GALNTL5: variants seen among roughly 807,000 people sequenced by gnomAD.
GALNTL5 encodes inactive polypeptide N-acetylgalactosaminyltransferase-like protein 5.
A neutral mutation model predicts 51.0 loss-of-function variants in GALNTL5; 44 were observed. The observed-to-expected ratio is 0.86, with a 90% CI of 0.68 to 1.11. The LOEUF is 1.11. Ranked by LOEUF, GALNTL5 falls within the 50% of genes least tolerant of loss-of-function variation. GALNTL5 has a pLI of 0.00. For missense variants in GALNTL5, 528 were observed against 531.8 expected, an observed-to-expected ratio of 0.99 and a Z score of 0.07; for synonymous variants, 192 against 182.8, an observed-to-expected ratio of 1.05 and a Z score of -0.41.
chr7:152,017,633 GA>G (rs1351797729), intron 8 of GALNTL5, among the ~76,000 whole-genome samples: 2 of 152,130 alleles, frequency 1.3e-5, no homozygotes, highest in African/African-American at 2.4e-5. Context: ...AATGTAAAAC[GA>G]AGGAAAAGGG....
At chr7:151,997,230 G>T (rs1013939683) in intron 5 of GALNTL5, among the ~76,000 whole-genome samples, 1 of 152,170 alleles carries the variant, frequency 6.6e-6, no homozygotes, top group African/African-American at 2.4e-5. Context: ...TTGACCTCAC[G>T]CCCTTTACTC....
intron 7 of GALNTL5, among the ~76,000 whole-genome samples, chr7:152,012,498 G>A (rs1486522472): frequency 6.6e-6 from 1 of 152,180 alleles, no homozygotes; most frequent in Non-Finnish European, 1.5e-5. Context: ...AAGCAGTTGG[G>A]AGATTTCTCA....
intron 3 of GALNTL5, among the ~76,000 whole-genome samples, chr7:151,973,176 G>C (rs909186057): frequency 4.6e-5 from 7 of 152,028 alleles, no homozygotes; most frequent in Non-Finnish European, 8.8e-5. Flanking sequence ...AGATTTAGGG[G>C]CCAGGCACTG....
chr7:152,019,600 G>T (rs781509767), intron 8 of GALNTL5, 46 bp from the exon 9 acceptor site: 15 of 1,555,424 alleles, frequency 9.6e-6, no homozygotes, highest in Non-Finnish European at 1.1e-5. Context: ...GATCAGCAAA[G>T]ATTTGTTTGG....
Position 151,983,153 on chromosome 7 carries a change from G to T in GALNTL5, c.535+1G>T, listed in dbSNP as rs113960815. ...TTGGTAGATGACATGAGCAAAGTTG[G>T]TAAGATAGAACACTCATTATCTCAT... On this transcript the variant is annotated splice_donor_variant, in intron 4 of 8. Coordinates refer to ENST00000392800, the MANE Select transcript of GALNTL5 (RefSeq NM_145292.4). LOFTEE classifies it high-confidence loss of function. 67 of 1,610,446 alleles carry T rather than the reference G, an allele frequency of 4.2e-5. No homozygotes were observed. In the African/African-American group the frequency reaches 5.6e-4, roughly 13 times the overall value.
intron 4 of GALNTL5, among the ~76,000 whole-genome samples, chr7:151,986,643 C>T (rs371157464): frequency 1.2e-3 from 175 of 151,430 alleles, no homozygotes; most frequent in African/African-American, 3.5e-3. Flanking sequence ...TCAACAAAAA[C>T]GAAACAAAAA....
chr7:151,958,681 T>C (rs1177140667), intron 1 of GALNTL5, among the ~76,000 whole-genome samples: 1 of 152,126 alleles, frequency 6.6e-6, no homozygotes, highest in African/African-American at 2.4e-5. Context: ...TGATGTGGGG[T>C]GGCCATCTGG....
intron 7 of GALNTL5, among the ~76,000 whole-genome samples, chr7:152,009,782 C>A (rs2081704999): frequency 6.6e-6 from 1 of 152,202 alleles, no homozygotes; most frequent in Non-Finnish European, 1.5e-5. Flanking sequence ...CAGGGCAAGT[C>A]TACTCTGATC....
intron 3 of GALNTL5, among the ~76,000 whole-genome samples, chr7:151,981,834 G>T (rs1178336242): frequency 1.3e-5 from 2 of 151,186 alleles, no homozygotes; most frequent in Non-Finnish European, 2.9e-5. Flanking sequence ...TTTTAGTAAA[G>T]ACAGAATTTT....
intron 8 of GALNTL5, 95 bp from the exon 9 acceptor site, chr7:152,019,551 T>C: frequency 8.0e-7 from 1 of 1,248,078 alleles, no homozygotes; most frequent in East Asian, 2.4e-5. Context: ...TTAGTTCACA[T>C]GATGAAAATA....
intron 6 of GALNTL5, among the ~76,000 whole-genome samples, chr7:152,005,652 T>G (rs947815511): frequency 1.3e-5 from 2 of 152,152 alleles, no homozygotes; most frequent in Non-Finnish European, 2.9e-5. Flanking sequence ...TGAGATTTCT[T>G]CTGGTTTTGG....
At position 151,957,270 on chromosome 7, in the gene GALNTL5, A is replaced by G. The variant is rs184078612; in HGVS notation, c.-40+661A>G. Reference sequence around the variant, plus strand: ...TATTTTTTTAAAAACTTGGCCAGGCATGGTAGCTCATGCCTGTAATCCCAG... The same window carrying G: ...TATTTTTTTAAAAACTTGGCCAGGCGTGGTAGCTCATGCCTGTAATCCCAG... On this transcript the variant is annotated intron_variant, in intron 1 of 8. Coordinates refer to ENST00000392800, the MANE Select transcript of GALNTL5 (RefSeq NM_145292.4). 1.2e-3 allele frequency among the ~76,000 whole-genome samples: 178 copies of G among 151,950 alleles called. 2 individuals carry two copies. Among genetic ancestry groups the G allele is most frequent in the Admixed American group, 5.2e-3 (79 of 15,258 alleles).
Position 152,002,852 on chromosome 7 carries a change from A to G in GALNTL5, c.797A>G (p.Tyr266Cys), listed in dbSNP as rs967552509. 1.2e-6 allele frequency: 2 copies of G among 1,614,064 alleles called. No individual in the cohort carries two copies. The highest frequency in any genetic ancestry group is 1.7e-6 in the Non-Finnish European group (2 of 1,180,034). ...IDVIDDRTLEYKPSPLVRGTF... is the reference protein window; with the variant it reads ...IDVIDDRTLECKPSPLVRGTF... Reference sequence around the variant, plus strand: ...GTCATTGATGATAGAACTCTGGAGTATAAGCCCTCTCCTCTTGTAAGGGGA... The same window carrying G: ...GTCATTGATGATAGAACTCTGGAGTGTAAGCCCTCTCCTCTTGTAAGGGGA... Residue 266 changes from tyrosine to cysteine, a missense_variant, in exon 6 of 9, where the codon TAT (tyrosine) becomes TGT (cysteine). By Grantham distance (194) the Tyr-to-Cys change is radical (BLOSUM62 -2). Transcript: ENST00000392800.
chr7:151,993,326 T>A (rs186445162), intron 5 of GALNTL5, among the ~76,000 whole-genome samples: 2 of 152,284 alleles, frequency 1.3e-5, no homozygotes, highest in Non-Finnish European at 2.9e-5. Context: ...TAGAACAAAT[T>A]GTATGGTTTT....
At chr7:151,977,302 A>G (rs1544031) in intron 3 of GALNTL5, among the ~76,000 whole-genome samples, 55,926 of 151,966 alleles carry the variant, frequency 0.37, 11,296 homozygotes, top group Middle Eastern at 0.49. Flanking sequence ...ATGTCATTTC[A>G]ACAAAACCCA....
At chr7:151,993,611 A>C (rs1006654497) in intron 5 of GALNTL5, among the ~76,000 whole-genome samples, 4 of 152,130 alleles carry the variant, frequency 2.6e-5, no homozygotes, top group Admixed American at 2.0e-4. Context: ...CACAATGTCT[A>C]TGTGTATTTT....
At chr7:152,016,595 A>G (rs571067183) in intron 8 of GALNTL5, among the ~76,000 whole-genome samples, 16 of 152,342 alleles carry the variant, frequency 1.1e-4, no homozygotes, top group South Asian at 2.1e-4. Context: ...ACAGAAGCGC[A>G]TGCTTTTGTG....
At chr7:151,969,288 T>A (rs1048447126) in intron 2 of GALNTL5, among the ~76,000 whole-genome samples, 5 of 152,204 alleles carry the variant, frequency 3.3e-5, no homozygotes, top group Admixed American at 3.3e-4. Context: ...CTTTTGGAAA[T>A]GAATTTAAAG....
intron 4 of GALNTL5, 118 bp from the exon 5 acceptor site, chr7:151,987,041 T>C: frequency 1.1e-6 from 1 of 923,152 alleles, no homozygotes; most frequent in Non-Finnish European, 1.5e-6. Flanking sequence ...AATTCTCTTT[T>C]AAAGTTAGAA....
Sources: allele counts gnomAD v4.1 joint callset (sites outside exome capture counted in the v4.1 genomes callset), GRCh38; gene constraint gnomAD v4.1.1; transcripts MANE v1.5; gene names NCBI Gene and HGNC (gene_info 2026-07-23, HGNC 2026-07-21).